Variants in RASAL1 observed in about 807,000 individuals in gnomAD.
RASAL1 encodes RAS protein activator like 1, also known as rasGAP-activating-like protein 1.
RASAL1 carries 72 observed loss-of-function variants against 96.6 expected under a neutral mutation model. The observed-to-expected ratio is 0.75, with a 90% CI of 0.62 to 0.91. The LOEUF (loss-of-function observed/expected upper bound fraction) is 0.91. Among genes scored for constraint, RASAL1 ranks in the 40% least tolerant of loss-of-function variants. RASAL1 has a pLI of 0.00. For synonymous variants in RASAL1, 405 were observed against 430.4 expected (o/e 0.94, Z 0.73); for missense variants, 1,016 against 1,072.5 (o/e 0.95, Z 0.74).
chr12:113,124,826 G>A (rs1002703697), intron 4 of RASAL1, among the ~76,000 whole-genome samples: 8 of 152,090 alleles, frequency 5.3e-5, no homozygotes, highest in Non-Finnish European at 1.2e-4. Flanking sequence ...TCCCACTGAG[G>A]GAAATAATGC....
chr12:113,117,156 C>T lies in RASAL1; in HGVS notation c.648G>A (p.Glu216=). 6.3e-7 allele frequency: 1 copy of T among 1,597,184 alleles called. No homozygotes were observed. Among genetic ancestry groups the T allele is most frequent in the Non-Finnish European group, 8.6e-7 (1 of 1,167,140 alleles). ...VGKNDFLGMV[E]FSPKTLQQKP... is the part of the protein sequence containing the mutation. ...TCTGCTGGAGGGTCTTTGGAGAGAA[C>T]TCCACCTTTTGAGAGAGACACACAG... Residue 216 remains glutamate, a synonymous_variant, in exon 8 of 21, where the codon GAG becomes GAA. Transcript: ENST00000548055.
intron 19 of RASAL1, among the ~76,000 whole-genome samples, chr12:113,100,914 C>G (rs1204249348): frequency 6.6e-6 from 1 of 152,186 alleles, no homozygotes; most frequent in African/African-American, 2.4e-5. Context: ...TAGGTATTTA[C>G]TATTAGCTCC....
intron 1 of RASAL1, among the ~76,000 whole-genome samples, chr12:113,132,703 T>C (rs1162862669): frequency 6.6e-6 from 1 of 152,186 alleles, no homozygotes; most frequent in Non-Finnish European, 1.5e-5. Context: ...GGATGAGCCC[T>C]TCCCTGTGCC....
rs1187245818 is a variant in RASAL1, at chr12:113,112,341, A to G, written c.1182-63T>C. The G allele has an allele frequency of 2.5e-6, 3 of 1,206,266 alleles. No individual in the cohort carries two copies. In the East Asian group the frequency reaches 9.5e-5, roughly 38 times the overall value. 74.7% of individuals were successfully genotyped at this position (1,206,266 alleles called of 1,614,324 possible). ...AACATCTGCCTGCTCCAAACCCTCC[A>G]CCGGCCCCGCTGAGCTCCGAGAGGA... On this transcript the variant is annotated intron_variant, in intron 12 of 20. Coordinates refer to ENST00000548055, the MANE Select transcript of RASAL1 (RefSeq NM_001301202.2).
intron 1 of RASAL1, among the ~76,000 whole-genome samples, chr12:113,132,033 G>A (rs1039338341): frequency 5.4e-5 from 8 of 146,998 alleles, no homozygotes; most frequent in Non-Finnish European, 5.9e-5. Context: ...GTGCAGTGGC[G>A]CGATCTTGGT....
chr12:113,127,944 A>G (rs1951553819), intron 3 of RASAL1, 71 bp from the exon 4 acceptor site: 1 of 1,571,090 alleles, frequency 6.4e-7, no homozygotes, highest in Non-Finnish European at 8.7e-7. Context: ...AAGTGGGGGC[A>G]GGTGTCAAGG....
At position 113,104,194 on chromosome 12, in the gene RASAL1, C is replaced by G; in HGVS notation, c.1935G>C (p.Thr645=). ...GGAGGTAGGTGGTGTGCAGCGCCCC[C>G]GTGCCGTCCTGCGTCACCACCTGCA... ...HVMQVVTQDG[T]GALHTTYLQC... Residue 645 remains threonine, a synonymous_variant, in exon 17 of 21, where the codon ACG becomes ACC. Coordinates refer to ENST00000548055, the MANE Select transcript of RASAL1 (RefSeq NM_001301202.2). 1 of 1,611,960 alleles carries G rather than the reference C, an allele frequency of 6.2e-7. No homozygotes were observed. The highest frequency in any genetic ancestry group is 8.5e-7 in the Non-Finnish European group (1 of 1,179,186).
chr12:113,118,651 G>A (rs1031610230), intron 7 of RASAL1, among the ~76,000 whole-genome samples: 1 of 152,152 alleles, frequency 6.6e-6, no homozygotes, highest in African/African-American at 2.4e-5. Flanking sequence ...AGGAGTTAAG[G>A]GCGTTAAGTC....
chr12:113,104,196 T>G lies in RASAL1; in HGVS notation c.1933A>C (p.Thr645Pro). 6.2e-7 allele frequency: 1 copy of G among 1,612,048 alleles called. No homozygotes were observed. The highest frequency in any genetic ancestry group is 1.1e-5 in the South Asian group (1 of 90,744). Residue 645 changes from threonine to proline, a missense_variant, in exon 17 of 21, where the codon ACG becomes CCG. Thr to Pro is a conservative substitution (Grantham distance 38). Transcript: ENST00000548055. Reference protein sequence around the residue: ...HVMQVVTQDGTGALHTTYLQC... With the variant: ...HVMQVVTQDGPGALHTTYLQC... ...AGGTAGGTGGTGTGCAGCGCCCCCGTGCCGTCCTGCGTCACCACCTGCATC... is the reference window on the plus strand; with the variant it reads ...AGGTAGGTGGTGTGCAGCGCCCCCGGGCCGTCCTGCGTCACCACCTGCATC...
At chr12:113,127,706 A>C in intron 4 of RASAL1, 106 bp downstream of exon 4, 6 of 921,718 alleles carry the variant, frequency 6.5e-6, no homozygotes, top group Non-Finnish European at 9.9e-6. Flanking sequence ...AAGAGAAATA[A>C]GTTTCCACTG....
At chr12:113,124,705 C>A (rs1951419816) in intron 4 of RASAL1, among the ~76,000 whole-genome samples, 1 of 152,202 alleles carries the variant, frequency 6.6e-6, no homozygotes, top group South Asian at 2.1e-4. Context: ...CTGGTGGACA[C>A]TTCACTGGTG....
intron 4 of RASAL1, among the ~76,000 whole-genome samples, chr12:113,121,872 C>A (rs1796446214): frequency 6.6e-6 from 1 of 151,982 alleles, no homozygotes; most frequent in South Asian, 2.1e-4. Context: ...TAGGCGTGCA[C>A]CACCATGCCT....
intron 13 of RASAL1, among the ~76,000 whole-genome samples, chr12:113,110,718 G>A (rs190550020): frequency 4.4e-4 from 67 of 152,206 alleles, no homozygotes; most frequent in African/African-American, 1.3e-3. Context: ...CTAGGAGTTC[G>A]AGACCCTCTG....
chr12:113,131,547 C>T (rs928582838), intron 1 of RASAL1, among the ~76,000 whole-genome samples: 1 of 152,180 alleles, frequency 6.6e-6, no homozygotes, highest in African/African-American at 2.4e-5. Context: ...TCAGCAGACC[C>T]TCCCTACAGG....
At chr12:113,106,285 T>A (rs1421535966) in intron 15 of RASAL1, among the ~76,000 whole-genome samples, 2 of 152,076 alleles carry the variant, frequency 1.3e-5, no homozygotes, top group East Asian at 3.9e-4. Flanking sequence ...AGGTTCTACG[T>A]TCTGACAGGT....
At position 113,107,228 on chromosome 12, in the gene RASAL1, A is replaced by G. The variant is rs1446154621; in HGVS notation, c.1526T>C (p.Ile509Thr). Residue 509 changes from isoleucine (I) to threonine (T), a missense_variant, in exon 15 of 21, where the codon ATT (isoleucine) becomes ACT (threonine). By Grantham distance (89) the Ile-to-Thr change is moderately conservative. Transcript: ENST00000548055. ...LLLLAKAVQS[I>T]GNLGQQLGQG... ...GCCCAGCTGCTGGCCCAGGTTTCCA[A>G]TGCTCTGCACAGCCTGGAGCAAAGA... 1.1e-5 allele frequency: 17 copies of G among 1,609,838 alleles called. No individual in the cohort carries two copies. The highest frequency in any genetic ancestry group is 1.4e-5 in the Non-Finnish European group (17 of 1,177,700).
At chr12:113,124,245 C>T (rs578153293) in intron 4 of RASAL1, among the ~76,000 whole-genome samples, 15 of 149,160 alleles carry the variant, frequency 1.0e-4, no homozygotes, top group Non-Finnish European at 2.1e-4. Context: ...AAAAAGTTAC[C>T]ACAAGTCCAA....
At chr12:113,136,724 A>C (rs1951928836), upstream of RASAL1, among the ~76,000 whole-genome samples, 2 of 152,256 alleles carry the variant, frequency 1.3e-5, no homozygotes, top group Admixed American at 1.3e-4. Flanking sequence ...TAAAAGTCTC[A>C]GGACAGTGAC....
Position 113,112,237 on chromosome 12 carries a change from C to CG in RASAL1, c.1222dup (p.Arg408ProfsTer78), listed in dbSNP as rs1201577039. ...CGTCAGCAGCCCCAGGCTGGTCTCC[C>CG]GCATCTGCTCCTCCGAGAGTGCGCC... On this transcript the variant is annotated frameshift_variant, in exon 13 of 21. Coordinates refer to ENST00000548055, the MANE Select transcript of RASAL1 (RefSeq NM_001301202.2). LOFTEE classifies it high-confidence loss of function. 10 of 1,267,138 alleles carry CG rather than the reference C, an allele frequency of 7.9e-6. No individual in the cohort carries two copies. The highest frequency in any genetic ancestry group is 9.0e-6 in the Non-Finnish European group (9 of 997,830). 78.5% of individuals were successfully genotyped at this position (1,267,138 alleles called of 1,614,324 possible). A position where few individuals can be genotyped will look rare whatever the true frequency, so the allele number is the denominator to read the frequency against.
Sources: gnomAD v4.1 joint callset for allele counts (sites outside exome capture counted in the v4.1 genomes callset) on GRCh38, gnomAD v4.1.1 for gene constraint, MANE v1.5 for transcripts, NCBI Gene and HGNC (gene_info 2026-07-23, HGNC 2026-07-21) for gene names.